RBFOX3: variants seen among roughly 807,000 people sequenced by gnomAD.
RBFOX3 encodes RNA binding fox-1 homolog 3.
In RBFOX3, 17 loss-of-function variants were observed where a neutral mutation model predicts 48.7. The observed-to-expected ratio is 0.35, with a 90% CI of 0.24 to 0.52. The LOEUF is 0.52. Among genes scored for constraint, RBFOX3 ranks in the 20% least tolerant of loss-of-function variants. The probability of loss-of-function intolerance (pLI) is 0.94; values close to 1 mark genes in which losing one functional copy is unlikely to be tolerated. For synonymous variants in RBFOX3, 212 were observed against 209.5 expected, an observed-to-expected ratio of 1.01 and a Z score of -0.10; for missense variants, 382 against 497.5, an observed-to-expected ratio of 0.77 and a Z score of 2.21.
chr17:79,648,405 A>G, the RBFOX3 span, among the ~76,000 whole-genome samples: 2 of 152,164 alleles, frequency 1.3e-5, no homozygotes, highest in African/African-American at 4.8e-5. Flanking sequence ...TATGAAACAG[A>G]TGCCTGGGTT....
At chr17:79,582,375 A>C (rs1369233119) in intron 1 of RBFOX3, among the ~76,000 whole-genome samples, 1 of 152,092 alleles carries the variant, frequency 6.6e-6, no homozygotes, top group Non-Finnish European at 1.5e-5. Context: ...TGGCCCTGGA[A>C]AAGTGGGCAT....
rs1273349083 is a variant in RBFOX3, at chr17:79,393,683, T to TCGTCTGAGCCGGTCATCACGCA, written c.-174-85881_-174-85860dup. ...CATGATCTGAGCCTGTCGCCACACA[T>TCGTCTGAGCCGGTCATCACGCA]CGTCTGAGCCGGTCATCACGCACAT... On this transcript the variant is annotated intron_variant, in intron 2 of 14. Coordinates refer to ENST00000693108, the MANE Select transcript of RBFOX3 (RefSeq NM_001350451.2). Among the ~76,000 whole-genome samples, 115 of 147,982 alleles carry TCGTCTGAGCCGGTCATCACGCA rather than the reference T, an allele frequency of 7.8e-4. 1 individual carries two copies. Among genetic ancestry groups the TCGTCTGAGCCGGTCATCACGCA allele is most frequent in the African/African-American group, 2.9e-3 (114 of 39,598 alleles).
intron 12 of RBFOX3, 105 bp from the exon 13 acceptor site, chr17:79,095,679 G>T: frequency 9.7e-7 from 1 of 1,030,954 alleles, no homozygotes; most frequent in Non-Finnish European, 1.5e-6. Flanking sequence ...GGGGCCCTGG[G>T]AGGGACTACA....
At chr17:79,566,685 G>A (rs2092466892) in intron 1 of RBFOX3, among the ~76,000 whole-genome samples, 1 of 152,232 alleles carries the variant, frequency 6.6e-6, no homozygotes, top group South Asian at 2.1e-4. Context: ...GTGGGCCTAG[G>A]GCACTGTGGT....
At chr17:79,275,165 T>C (rs2068548654) in intron 3 of RBFOX3, among the ~76,000 whole-genome samples, 1 of 147,306 alleles carries the variant, frequency 6.8e-6, no homozygotes, top group South Asian at 2.2e-4. Flanking sequence ...TCCCTCCCTA[T>C]CTCTCTCCCC....
chr17:79,304,447 A>G (rs2075808398), intron 3 of RBFOX3, among the ~76,000 whole-genome samples: 1 of 150,194 alleles, frequency 6.7e-6, no homozygotes, highest in African/African-American at 2.4e-5. Context: ...ATGTGTATAT[A>G]TATATAAATA....
chr17:79,107,791 G>GT (rs1187122388), intron 5 of RBFOX3, among the ~76,000 whole-genome samples: 1 of 152,230 alleles, frequency 6.6e-6, no homozygotes, highest in Non-Finnish European at 1.5e-5. Context: ...CTCGCAGGCT[G>GT]TTTGTTTTCC....
In RBFOX3 at chr17:79,342,661, G is replaced by A. The variant is rs147788722; in HGVS notation, c.-174-34837C>T. 3.8e-3 allele frequency among the ~76,000 whole-genome samples: 584 copies of A among 152,334 alleles called. 6 individuals are homozygous for A. Among genetic ancestry groups the A allele is most frequent in the African/African-American group, 0.013 (525 of 41,574 alleles). ...ATGACCTGGAGGAACTGCTGGAGAG[G>A]TTGATGGGGCTTTGTGCGGAAAGGC... On this transcript the variant is annotated intron_variant, in intron 2 of 14. Coordinates refer to ENST00000693108, the MANE Select transcript of RBFOX3 (RefSeq NM_001350451.2).
chr17:79,597,870 G>A (rs1046485976), intron 1 of RBFOX3, among the ~76,000 whole-genome samples: 1 of 152,218 alleles, frequency 6.6e-6, no homozygotes, highest in African/African-American at 2.4e-5. Flanking sequence ...CTAGGCAGGG[G>A]GCATTTAGGG....
chr17:79,602,800 C>T (rs913955921), intron 1 of RBFOX3, among the ~76,000 whole-genome samples: 1 of 152,104 alleles, frequency 6.6e-6, no homozygotes, highest in Admixed American at 6.5e-5. Context: ...AGCGATGTGG[C>T]AGCAAACTAT....
chr17:79,506,770 C>T (rs1035508330), intron 1 of RBFOX3, among the ~76,000 whole-genome samples: 36 of 152,170 alleles, frequency 2.4e-4, no homozygotes, highest in African/African-American at 8.0e-4. Context: ...CGAGGAGAAA[C>T]GAATCAGGAT....
chr17:79,293,222 A>G (rs11658702), intron 3 of RBFOX3, among the ~76,000 whole-genome samples: 29,884 of 152,164 alleles, frequency 0.2, 3,343 homozygotes, highest in African/African-American at 0.29. Flanking sequence ...TTTAGAGGGT[A>G]AAGTGACCTG....
At chr17:79,574,490 A>G (rs1471541995) in intron 1 of RBFOX3, among the ~76,000 whole-genome samples, 3 of 152,228 alleles carry the variant, frequency 2.0e-5, no homozygotes, top group Admixed American at 6.5e-5. Context: ...CGCCAGCACC[A>G]TGACAGTTTA....
intron 2 of RBFOX3, among the ~76,000 whole-genome samples, chr17:79,366,213 A>T (rs1248407152): frequency 2.6e-5 from 4 of 152,328 alleles, no homozygotes; most frequent in African/African-American, 7.2e-5. Flanking sequence ...GGTCCAAGTC[A>T]TGCCCAGGCA....
chr17:79,490,126 C>G (rs541119970), intron 1 of RBFOX3, among the ~76,000 whole-genome samples: 1 of 152,138 alleles, frequency 6.6e-6, no homozygotes, highest in Admixed American at 6.5e-5. Context: ...CTGTCTCTGG[C>G]AAAAATAATT....
rs985860461 is a variant in RBFOX3, at chr17:79,390,787, C to T, written c.-174-82963G>A. On this transcript the variant is annotated intron_variant, in intron 2 of 14. Coordinates refer to ENST00000693108, the MANE Select transcript of RBFOX3 (RefSeq NM_001350451.2). This position sits in a 1 kb window ranked among gnomAD's most constrained non-coding sequence, Gnocchi z 4.2. Reference sequence around the variant, plus strand: ...CAGAGGCGAGTTCAGGGTGGGGATCCTGGCAGTGGGAAACTGGAGGAGCGC... The same window carrying T: ...CAGAGGCGAGTTCAGGGTGGGGATCTTGGCAGTGGGAAACTGGAGGAGCGC... 6.6e-6 allele frequency among the ~76,000 whole-genome samples: 1 copy of T among 152,186 alleles called. No homozygotes were observed. Among genetic ancestry groups the T allele is most frequent in the East Asian group, 1.9e-4 (1 of 5,194 alleles).
intron 1 of RBFOX3, among the ~76,000 whole-genome samples, chr17:79,565,377 T>C (rs1397071505): frequency 6.6e-6 from 1 of 151,654 alleles, no homozygotes; most frequent in Non-Finnish European, 1.5e-5. Flanking sequence ...ACTCGCTCTG[T>C]TGCCTAGGCT....
rs2073727177 is a variant in RBFOX3 at position 79,090,795 on chromosome 17, A to ACAT, written c.*85_*87dup. ...TTTTTTTTTTGTTGCTTGGATCTTAACATCTTTTTTTGTTTTTTTTGTTTT... is the reference window on the plus strand; with the variant it reads ...TTTTTTTTTTGTTGCTTGGATCTTAACATCATCTTTTTTTGTTTTTTTTGTTTT... On this transcript the variant is annotated 3_prime_UTR_variant, in exon 15 of 15. Coordinates refer to ENST00000693108, the MANE Select transcript of RBFOX3 (RefSeq NM_001350451.2). 1 of 1,423,742 alleles carries ACAT rather than the reference A, an allele frequency of 7.0e-7. No individual in the cohort carries two copies. Among genetic ancestry groups the ACAT allele is most frequent in the Admixed American group, 2.6e-5 (1 of 37,774 alleles). The allele number at this position is 1,423,742 out of a possible 1,614,324, so 88.2% of individuals were successfully genotyped here. A position where few individuals can be genotyped will look rare whatever the true frequency, so the allele number is the denominator to read the frequency against.
At chr17:79,502,186 G>C (rs1245049970) in intron 1 of RBFOX3, among the ~76,000 whole-genome samples, 8 of 152,158 alleles carry the variant, frequency 5.3e-5, no homozygotes, top group African/African-American at 1.9e-4. Flanking sequence ...TAAATGAAAG[G>C]GCTTTGAAAA....
Sources: allele counts gnomAD v4.1 joint callset (sites outside exome capture counted in the v4.1 genomes callset), GRCh38; gene constraint gnomAD v4.1.1; non-coding constraint Gnocchi (gnomAD v3.1); transcripts MANE v1.5; gene names NCBI Gene and HGNC (gene_info 2026-07-23, HGNC 2026-07-21).